GLI3: variants seen among roughly 807,000 people sequenced by gnomAD.
The protein encoded by GLI3 is transcription activator GLI3.
GLI3 carries 20 observed loss-of-function variants against 100.8 expected under a neutral mutation model. The ratio of observed to expected loss-of-function variants is 0.20; its 90% confidence interval spans 0.14 to 0.29. The LOEUF (loss-of-function observed/expected upper bound fraction) is 0.29. Among genes scored for constraint, GLI3 ranks in the 10% least tolerant of loss-of-function variants. The pLI is 1.00. For synonymous variants in GLI3, 938 were observed against 860.5 expected (o/e 1.09, Z -1.58); for missense variants, 2,040 against 2,128.5 (o/e 0.96, Z 0.82).
At chr7:42,250,838 C>T (rs1789023329) in intron 1 of GLI3, among the ~76,000 whole-genome samples, 1 of 152,138 alleles carries the variant, frequency 6.6e-6, no homozygotes, top group Non-Finnish European at 1.5e-5. Flanking sequence ...AGGAACATAT[C>T]ACGGACATTT....
intron 2 of GLI3, among the ~76,000 whole-genome samples, chr7:42,188,905 T>C (rs935073583): frequency 2.6e-5 from 4 of 152,158 alleles, no homozygotes; most frequent in South Asian, 2.1e-4. Context: ...TATAATACTA[T>C]AATGGCAGAT....
At chr7:42,132,143 C>T (rs893588728) in intron 3 of GLI3, among the ~76,000 whole-genome samples, 1 of 151,966 alleles carries the variant, frequency 6.6e-6, no homozygotes, top group Admixed American at 6.6e-5. Flanking sequence ...CTCTGTCGCC[C>T]AGGCTGGAGT....
intron 2 of GLI3, among the ~76,000 whole-genome samples, chr7:42,154,622 C>T (rs1483368030): frequency 6.6e-6 from 1 of 152,156 alleles, no homozygotes; most frequent in East Asian, 1.9e-4. Context: ...CAGAATTCTC[C>T]CCAAGACTGA....
chr7:42,057,143 G>T (rs556157651), intron 4 of GLI3, among the ~76,000 whole-genome samples: 1 of 152,148 alleles, frequency 6.6e-6, no homozygotes, highest in South Asian at 2.1e-4. Flanking sequence ...ATTTTCTCAG[G>T]CATTATGCAC....
intron 3 of GLI3, among the ~76,000 whole-genome samples, chr7:42,146,755 G>T (rs1001131372): frequency 4.6e-5 from 7 of 152,176 alleles, no homozygotes; most frequent in African/African-American, 1.7e-4. Flanking sequence ...CATGGATGAT[G>T]TTTAAAAGAG....
intron 7 of GLI3, among the ~76,000 whole-genome samples, chr7:42,038,071 C>G (rs897198872): frequency 1.3e-5 from 2 of 152,220 alleles, no homozygotes; most frequent in African/African-American, 4.8e-5. Flanking sequence ...ATCTTTCTGA[C>G]TATCACTGTG....
chr7:42,132,090 T>TTTA (rs962503292), intron 3 of GLI3, among the ~76,000 whole-genome samples: 6 of 151,814 alleles, frequency 4.0e-5, no homozygotes, highest in African/African-American at 7.3e-5. Flanking sequence ...TATTTATTTA[T>TTTA]TTATTTATTC....
intron 4 of GLI3, among the ~76,000 whole-genome samples, chr7:42,058,366 G>A (rs1225858187): frequency 6.6e-6 from 1 of 152,102 alleles, no homozygotes; most frequent in African/African-American, 2.4e-5. Context: ...AGCTACATGT[G>A]TACATTTTGT....
chr7:42,209,174 C>T (rs993287181), intron 2 of GLI3, among the ~76,000 whole-genome samples: 8 of 152,114 alleles, frequency 5.3e-5, no homozygotes, highest in African/African-American at 1.9e-4. Context: ...CCACCTCAGC[C>T]TCCCAAGTAG....
At chr7:42,253,132 A>G (rs953610873) in intron 1 of GLI3, among the ~76,000 whole-genome samples, 1 of 152,224 alleles carries the variant, frequency 6.6e-6, no homozygotes, top group Admixed American at 6.5e-5. Flanking sequence ...GCCACGACTA[A>G]AAGGACATGT....
chr7:42,021,013 A>G (rs972167650), intron 10 of GLI3, among the ~76,000 whole-genome samples: 2 of 152,160 alleles, frequency 1.3e-5, no homozygotes, highest in African/African-American at 4.8e-5. Flanking sequence ...CAAAGCACCT[A>G]CCTATTCTAT....
At chr7:42,185,027 C>T (rs999873687) in intron 2 of GLI3, among the ~76,000 whole-genome samples, 17 of 152,092 alleles carry the variant, frequency 1.1e-4, no homozygotes, top group African/African-American at 3.4e-4. Context: ...ATGCAACCTG[C>T]AACACACATG....
At chr7:42,023,411 C>G (rs765559197) in intron 10 of GLI3, 57 bp downstream of exon 10, 1 of 1,587,934 alleles carries the variant, frequency 6.3e-7, no homozygotes, top group Non-Finnish European at 8.6e-7. Flanking sequence ...AGAGGCTGAC[C>G]TCCCTGGAAA....
At chr7:42,049,839 G>T (rs959013150) in intron 4 of GLI3, among the ~76,000 whole-genome samples, 16 of 152,158 alleles carry the variant, frequency 1.1e-4, no homozygotes, top group African/African-American at 1.4e-4. Context: ...TTCACAGAGG[G>T]TGCGGCCATA....
At chr7:42,000,087 T>C (rs893404214) in intron 10 of GLI3, among the ~76,000 whole-genome samples, 2 of 152,216 alleles carry the variant, frequency 1.3e-5, no homozygotes, top group African/African-American at 2.4e-5. Context: ...AGCACGCTCA[T>C]CTGTTGACCG....
intron 10 of GLI3, among the ~76,000 whole-genome samples, chr7:42,012,560 C>A (rs1288894073): frequency 6.6e-6 from 1 of 152,204 alleles, no homozygotes; most frequent in East Asian, 1.9e-4. Context: ...ATCATACTTT[C>A]TCTTTGAGTT....
chr7:42,184,605 G>GAATGTTTT, intron 2 of GLI3, among the ~76,000 whole-genome samples: 1 of 152,268 alleles, frequency 6.6e-6, no homozygotes, highest in South Asian at 2.1e-4. Flanking sequence ...ATGAATGAAT[G>GAATGTTTT]AATGAAGCCA....
intron 3 of GLI3, among the ~76,000 whole-genome samples, chr7:42,090,523 A>T (rs952850380): frequency 6.6e-6 from 1 of 152,200 alleles, no homozygotes; most frequent in Non-Finnish European, 1.5e-5. Flanking sequence ...CACCCAAGTT[A>T]CCATGAGAGT....
At position 42,013,846 on chromosome 7, in the gene GLI3, A is replaced by G. The variant is rs192509898; in HGVS notation, c.1497+9622T>C. Among the ~76,000 whole-genome samples the G allele has an allele frequency of 9.8e-5, 15 of 152,342 alleles. No homozygotes were observed. In the East Asian group the frequency reaches 1.7e-3, roughly 18 times the overall value. ...TAATCCTGTTTTAAAGAAAGATAGC[A>G]GAATCTTAGTACCCTTTGGTAAAGA... On this transcript the variant is annotated intron_variant, in intron 10 of 14. Coordinates refer to ENST00000395925, the MANE Select transcript of GLI3 (RefSeq NM_000168.6).
Sources: gnomAD v4.1 joint callset for allele counts (sites outside exome capture counted in the v4.1 genomes callset) on GRCh38, gnomAD v4.1.1 for gene constraint, MANE v1.5 for transcripts, NCBI Gene and HGNC (gene_info 2026-07-23, HGNC 2026-07-21) for gene names.